The following MOCOS variants were observed in gnomAD, a reference collection of about 807,000 sequenced individuals.
MOCOS encodes the protein molybdenum cofactor sulfurase, also known as human molybdenum cofactor sulfurase.
Under a neutral mutation model 83.6 loss-of-function variants are expected in MOCOS, and 86 were observed. That is an observed-to-expected ratio of 1.03 (90% CI 0.86 to 1.23). The LOEUF (loss-of-function observed/expected upper bound fraction) is 1.23. Among genes scored for constraint, MOCOS ranks in the 50% most tolerant of loss-of-function variants. The probability of loss-of-function intolerance (pLI) is 0.00; values close to 1 mark genes in which losing one functional copy is unlikely to be tolerated. For synonymous variants in MOCOS, 445 were observed against 434.7 expected (o/e 1.02, Z -0.29); for missense variants, 1,120 against 1,126.9 (o/e 0.99, Z 0.09).
chr18:36,260,180 G>A lies in MOCOS; in HGVS notation c.2409+5G>A. 6.2e-7 allele frequency: 1 copy of A among 1,614,136 alleles called. No individual in the cohort carries two copies. Among genetic ancestry groups the A allele is most frequent in the Non-Finnish European group, 8.5e-7 (1 of 1,179,988 alleles). On this transcript the variant is annotated splice_donor_5th_base_variant and intron_variant, in intron 13 of 14. Coordinates refer to ENST00000261326, the MANE Select transcript of MOCOS (RefSeq NM_017947.4). Reference sequence around the variant, plus strand: ...ATTGGCTCTTTGCGTTTCCAGGTAAGTTTGGGGAAGTTCTATTATCCTTCC... The same window carrying A: ...ATTGGCTCTTTGCGTTTCCAGGTAAATTTGGGGAAGTTCTATTATCCTTCC...
At chr18:36,226,478 CT>C (rs34534078) in intron 9 of MOCOS, among the ~76,000 whole-genome samples, 14,763 of 150,776 alleles carry the variant, frequency 0.098, 845 homozygotes, top group Non-Finnish European at 0.13. Flanking sequence ...TTTTATGCTT[CT>C]TTTTTTTTAT....
At chr18:36,223,323 C>T (rs1207871587) in intron 9 of MOCOS, among the ~76,000 whole-genome samples, 1 of 152,148 alleles carries the variant, frequency 6.6e-6, no homozygotes, top group Non-Finnish European at 1.5e-5. Context: ...TCCAGTTTTC[C>T]CAACACCATT....
intron 2 of MOCOS, among the ~76,000 whole-genome samples, chr18:36,196,943 G>C (rs2091390584): frequency 6.6e-6 from 1 of 152,148 alleles, no homozygotes; most frequent in Admixed American, 6.5e-5. Context: ...AGCACATGTA[G>C]CTCCTGAGAA....
chr18:36,193,317 CAAAAAAAAAAAAAAAAAAA>C (rs555145311), intron 1 of MOCOS, among the ~76,000 whole-genome samples: 542 of 38,306 alleles, frequency 0.014, 6 homozygotes, highest in African/African-American at 0.049. Context: ...GACTCCGTCT[CAAAAAAAAAAAAAAAAAAA>C]AAAAAAAAAA....
Position 36,200,138 on chromosome 18 carries a change from C to T in MOCOS, c.755C>T (p.Ala252Val). Reference sequence around the variant, plus strand: ...AGCACCTCGCCTTTGGACCTGTCAGCTCACCAGGCCGACTTTGTCCCCATC... The same window carrying T: ...AGCACCTCGCCTTTGGACCTGTCAGTTCACCAGGCCGACTTTGTCCCCATC... ...YVSTSPLDLS[A>V]HQADFVPISF... is the part of the protein sequence containing the mutation. Residue 252 changes from alanine (A) to valine (V), a missense_variant, in exon 4 of 15, where the codon GCT becomes GTT. Coordinates refer to ENST00000261326, the MANE Select transcript of MOCOS (RefSeq NM_017947.4). The T allele has an allele frequency of 6.2e-7, 1 of 1,614,202 alleles. No homozygotes were observed. Among genetic ancestry groups the T allele is most frequent in the South Asian group, 1.1e-5 (1 of 91,084 alleles).
At chr18:36,265,593 CGTT>C (rs1054622656) in intron 13 of MOCOS, among the ~76,000 whole-genome samples, 2 of 152,042 alleles carry the variant, frequency 1.3e-5, no homozygotes, top group African/African-American at 4.8e-5. Context: ...AGAAGCATCT[CGTT>C]ATTGCTGAGC....
chr18:36,220,678 A>G (rs1042890890), intron 9 of MOCOS, among the ~76,000 whole-genome samples: 1 of 152,202 alleles, frequency 6.6e-6, no homozygotes, highest in Non-Finnish European at 1.5e-5. Context: ...TTGTAATCCC[A>G]GCACTGCAGA....
chr18:36,256,747 T>A (rs1031139747), intron 11 of MOCOS: 3 of 489,914 alleles, frequency 6.1e-6, no homozygotes, highest in Non-Finnish European at 1.1e-5. Context: ...TTATTGTTAT[T>A]TTCTCCACGT....
chr18:36,248,581 A>G (rs2091610848), intron 9 of MOCOS, among the ~76,000 whole-genome samples: 1 of 152,222 alleles, frequency 6.6e-6, no homozygotes, highest in Non-Finnish European at 1.5e-5. Flanking sequence ...GGGGTCTTAG[A>G]TTTAAATCTC....
chr18:36,222,880 G>C (rs1188748462), intron 9 of MOCOS, among the ~76,000 whole-genome samples: 1 of 152,186 alleles, frequency 6.6e-6, no homozygotes, highest in African/African-American at 2.4e-5. Flanking sequence ...GATTACAGGC[G>C]TGAGCCATCG....
Position 36,195,271 on chromosome 18 carries a change from G to T in MOCOS, c.157G>T (p.Asp53Tyr). 1 of 1,614,022 alleles carries T rather than the reference G, an allele frequency of 6.2e-7. No homozygotes were observed. The highest frequency in any genetic ancestry group is 1.1e-5 in the South Asian group (1 of 91,038). Residue 53 changes from aspartate to tyrosine, a missense_variant, in exon 2 of 15, where the codon GAC becomes TAC. Physicochemically the swap from Asp to Tyr is radical, Grantham distance 160. Coordinates refer to ENST00000261326, the MANE Select transcript of MOCOS (RefSeq NM_017947.4). Reference sequence around the variant, plus strand: ...TTTTCTTTCAGGAACTGTCTATCTTGACCATGCAGGTGCCACCTTGTTCTC... The same window carrying T: ...TTTTCTTTCAGGAACTGTCTATCTTTACCATGCAGGTGCCACCTTGTTCTC... ...FSRLAGTVYL[D>Y]HAGATLFSQS...
chr18:36,253,717 G>C (rs1037391125), intron 11 of MOCOS, among the ~76,000 whole-genome samples: 3 of 151,970 alleles, frequency 2.0e-5, no homozygotes, highest in Non-Finnish European at 2.9e-5. Context: ...AGGCGGGATG[G>C]TTACCAGGGA....
At chr18:36,200,621 G>A (rs1288271187) in intron 4 of MOCOS, among the ~76,000 whole-genome samples, 1 of 152,202 alleles carries the variant, frequency 6.6e-6, no homozygotes, top group Non-Finnish European at 1.5e-5. Context: ...ATGGGGTAAG[G>A]AGGGTGAGCT....
rs192550943 is a variant in MOCOS, at chr18:36,267,450, A to G, written c.2514+597A>G. Among the ~76,000 whole-genome samples the G allele has an allele frequency of 5.2e-4, 79 of 152,386 alleles. 1 individual carries two copies. The highest frequency in any genetic ancestry group is 2.1e-3 in the Admixed American group (32 of 15,308). On this transcript the variant is annotated intron_variant, in intron 14 of 14. Transcript: ENST00000261326. ...AGGCTACATAGAACAATTCTTGAAA[A>G]TTAACAGAAATAATGCAAACACTGT... is the stretch of plus-strand genomic sequence containing the variant.
intron 11 of MOCOS, among the ~76,000 whole-genome samples, chr18:36,252,302 G>A (rs1338109696): frequency 6.6e-6 from 1 of 151,978 alleles, no homozygotes; most frequent in Non-Finnish European, 1.5e-5. Context: ...GGGAGGATTG[G>A]TTAAGCCCAG....
chr18:36,267,763 A>G (rs147167601), intron 14 of MOCOS, among the ~76,000 whole-genome samples: 76 of 152,364 alleles, frequency 5.0e-4, no homozygotes, highest in Non-Finnish European at 9.6e-4. Flanking sequence ...ACTAAGGTCC[A>G]TGAAAATAGT....
intron 10 of MOCOS, among the ~76,000 whole-genome samples, chr18:36,250,469 G>A (rs575494325): frequency 1.3e-5 from 2 of 152,302 alleles, no homozygotes; most frequent in East Asian, 1.9e-4. Flanking sequence ...CCCCAGGAAA[G>A]CACAAAGGTG....
chr18:36,255,637 A>G (rs1037505875), intron 11 of MOCOS, among the ~76,000 whole-genome samples: 2 of 152,076 alleles, frequency 1.3e-5, no homozygotes, highest in African/African-American at 4.8e-5. Context: ...CAAAGAGGAT[A>G]TATGCAAGTG....
chr18:36,261,073 C>T (rs2144153149), intron 13 of MOCOS, among the ~76,000 whole-genome samples: 1 of 151,922 alleles, frequency 6.6e-6, no homozygotes, highest in Middle Eastern at 3.4e-3. Flanking sequence ...TGACACTGGC[C>T]CAGAGTCAGT....
Sources: allele counts gnomAD v4.1 joint callset (sites outside exome capture counted in the v4.1 genomes callset), GRCh38; gene constraint gnomAD v4.1.1; transcripts MANE v1.5; gene names NCBI Gene and HGNC (gene_info 2026-07-23, HGNC 2026-07-21).